SLC14A2: variants seen among roughly 807,000 people sequenced by gnomAD.
SLC14A2 encodes solute carrier family 14 member 2, also known as urea transporter 2.
A neutral mutation model predicts 104.6 loss-of-function variants in SLC14A2; 91 were observed. The observed-to-expected ratio is 0.87, with a 90% confidence interval of 0.73 to 1.04. The LOEUF (loss-of-function observed/expected upper bound fraction) is 1.04, where lower values mean the gene tolerates loss of function less well. Among genes scored for constraint, SLC14A2 ranks in the 50% least tolerant of loss-of-function variants. The probability of loss-of-function intolerance (pLI) is 0.00; values close to 1 mark genes in which losing one functional copy is unlikely to be tolerated. For synonymous variants in SLC14A2, 476 were observed against 466.4 expected, an observed-to-expected ratio of 1.02 and a Z score of -0.27; for missense variants, 1,189 against 1,156.0, an observed-to-expected ratio of 1.03 and a Z score of -0.41.
the SLC14A2 span, among the ~76,000 whole-genome samples, chr18:45,195,981 C>T: frequency 6.6e-6 from 1 of 152,018 alleles, no homozygotes; most frequent in African/African-American, 2.4e-5. Context: ...AGCACAGCCA[C>T]GTGGTGGAAG....
intron 2 of SLC14A2, among the ~76,000 whole-genome samples, chr18:45,500,128 G>T (rs1194618259): frequency 6.6e-6 from 1 of 152,194 alleles, no homozygotes; most frequent in Non-Finnish European, 1.5e-5. Flanking sequence ...GGGGCATGGA[G>T]AGAAAGAATA....
chr18:45,662,840 T>C (rs2045955506), intron 10 of SLC14A2, among the ~76,000 whole-genome samples: 1 of 152,138 alleles, frequency 6.6e-6, no homozygotes, highest in African/African-American at 2.4e-5. Context: ...TAAAACTGCA[T>C]ACCCCCCAGG....
At chr18:45,343,506 G>A (rs1364562871) in intron 1 of SLC14A2, among the ~76,000 whole-genome samples, 1 of 152,072 alleles carries the variant, frequency 6.6e-6, no homozygotes. Flanking sequence ...AAGCACTCCA[G>A]AGCCACAGGA....
chr18:45,468,558 T>G (rs2087186677), intron 1 of SLC14A2, among the ~76,000 whole-genome samples: 1 of 151,938 alleles, frequency 6.6e-6, no homozygotes, highest in Non-Finnish European at 1.5e-5. Context: ...AAGCCAACAA[T>G]CCCTGCATTG....
chr18:45,269,804 G>C (rs1486693436), intron 1 of SLC14A2, among the ~76,000 whole-genome samples: 1 of 152,192 alleles, frequency 6.6e-6, no homozygotes, highest in Non-Finnish European at 1.5e-5. Flanking sequence ...GTGTCAGTTT[G>C]AGTCCAACTG....
At chr18:45,338,186 G>GT (rs569351884) in intron 1 of SLC14A2, among the ~76,000 whole-genome samples, 2 of 151,834 alleles carry the variant, frequency 1.3e-5, no homozygotes, top group South Asian at 2.1e-4. Flanking sequence ...TATTCCACCT[G>GT]TTTTTTTGTT....
At chr18:45,434,086 A>G (rs781277976) in intron 1 of SLC14A2, among the ~76,000 whole-genome samples, 19 of 152,024 alleles carry the variant, frequency 1.2e-4, no homozygotes, top group Non-Finnish European at 2.5e-4. Context: ...TCGACTCCTT[A>G]TTTCTCCCAT....
At chr18:45,621,679 A>T (rs187538542) in intron 1 of SLC14A2, among the ~76,000 whole-genome samples, 10 of 152,316 alleles carry the variant, frequency 6.6e-5, no homozygotes, top group African/African-American at 2.4e-4. Flanking sequence ...AATAGACAGA[A>T]CAGAGGAGGC....
chr18:45,647,044 A>G (rs1055741438), intron 10 of SLC14A2: 1 of 152,092 alleles, frequency 6.6e-6, no homozygotes, highest in Non-Finnish European at 1.5e-5. Flanking sequence ...TATCTCACCC[A>G]TCTTCCACTC....
intron 2 of SLC14A2, among the ~76,000 whole-genome samples, chr18:45,598,514 T>A (rs775971853): frequency 9.2e-5 from 14 of 152,158 alleles, no homozygotes; most frequent in Admixed American, 2.6e-4. Context: ...ATAAAAAAAA[T>A]TATATTTTAT....
At chr18:45,458,569 T>C (rs1051950739) in intron 1 of SLC14A2, among the ~76,000 whole-genome samples, 5 of 152,208 alleles carry the variant, frequency 3.3e-5, no homozygotes, top group African/African-American at 1.2e-4. Flanking sequence ...TAGCTATTGA[T>C]GCATTTGATT....
chr18:45,598,257 G>T (rs16978422), intron 2 of SLC14A2, among the ~76,000 whole-genome samples: 1 of 152,078 alleles, frequency 6.6e-6, no homozygotes, highest in Non-Finnish European at 1.5e-5. Flanking sequence ...ATAGATTACC[G>T]AGAAGCTCCA....
intron 9 of SLC14A2, 74 bp from the exon 10 acceptor site, chr18:45,643,912 C>T: frequency 1.5e-6 from 2 of 1,334,832 alleles, no homozygotes; most frequent in Middle Eastern, 1.9e-4. Flanking sequence ...CTGTCACATC[C>T]TTCTCCCCCA....
chr18:45,295,901 A>C (rs540936523), intron 1 of SLC14A2, among the ~76,000 whole-genome samples: 1 of 152,206 alleles, frequency 6.6e-6, no homozygotes, highest in Non-Finnish European at 1.5e-5. Flanking sequence ...GGGAATGATA[A>C]CTAATACTGA....
intron 19 of SLC14A2, among the ~76,000 whole-genome samples, chr18:45,680,595 A>G (rs939524268): frequency 6.6e-6 from 1 of 152,214 alleles, no homozygotes; most frequent in Non-Finnish European, 1.5e-5. Context: ...TAAGTGGCAC[A>G]TGTATATACA....
At chr18:45,460,195 C>T (rs2087018775) in intron 1 of SLC14A2, among the ~76,000 whole-genome samples, 1 of 152,180 alleles carries the variant, frequency 6.6e-6, no homozygotes, top group Non-Finnish European at 1.5e-5. Context: ...CCAATGATGG[C>T]TCTACCATGG....
At chr18:45,575,988 G>A (rs1357674038) in intron 2 of SLC14A2, among the ~76,000 whole-genome samples, 4 of 151,982 alleles carry the variant, frequency 2.6e-5, no homozygotes, top group Non-Finnish European at 5.9e-5. Flanking sequence ...CTAACTTGAA[G>A]GATTTCAAAT....
intron 1 of SLC14A2, among the ~76,000 whole-genome samples, chr18:45,330,694 C>T (rs949258770): frequency 8.5e-5 from 13 of 152,190 alleles, no homozygotes; most frequent in Admixed American, 2.6e-4. Flanking sequence ...TTCACTCTCC[C>T]GCCAGACCCT....
intron 4 of SLC14A2, among the ~76,000 whole-genome samples, chr18:45,628,208 G>T (rs2045291240): frequency 1.3e-5 from 2 of 151,866 alleles, no homozygotes; most frequent in Non-Finnish European, 2.9e-5. Context: ...TACTTCAGGA[G>T]GCCAAGGCGA....
Sources: allele counts gnomAD v4.1 joint callset (sites outside exome capture counted in the v4.1 genomes callset), GRCh38; gene constraint gnomAD v4.1.1; transcripts MANE v1.5; gene names NCBI Gene and HGNC (gene_info 2026-07-23, HGNC 2026-07-21).